Variants in ANKRD44 observed in about 807,000 individuals in gnomAD.
The protein encoded by ANKRD44 is ankyrin repeat domain 44, also known as serine/threonine-protein phosphatase 6 regulatory ankyrin repeat subunit B.
A neutral mutation model predicts 116.0 loss-of-function variants in ANKRD44; 35 were observed. The observed-to-expected ratio is 0.30, with a 90% CI of 0.23 to 0.40. ANKRD44 has a LOEUF of 0.40. ANKRD44 is among the 10% of genes least tolerant of loss of function. The pLI, the probability that ANKRD44 is intolerant of heterozygous loss-of-function variation, is 1.00. For synonymous variants in ANKRD44, 435 were observed against 461.8 expected, an observed-to-expected ratio of 0.94 and a Z score of 0.74; for missense variants, 1,014 against 1,242.6, an observed-to-expected ratio of 0.82 and a Z score of 2.77.
intron 2 of ANKRD44, among the ~76,000 whole-genome samples, chr2:197,160,049 CACACACACAT>C (rs2079920617): frequency 6.6e-6 from 1 of 151,992 alleles, no homozygotes; most frequent in African/African-American, 2.4e-5. Context: ...GATAGACACA[CACACACACAT>C]ACACACATGC....
intron 1 of ANKRD44, among the ~76,000 whole-genome samples, chr2:197,206,154 A>T (rs1258406395): frequency 1.3e-5 from 2 of 152,184 alleles, no homozygotes; most frequent in Non-Finnish European, 2.9e-5. Context: ...TTCAGCTAAG[A>T]GGGGATGACA....
At chr2:197,197,827 A>G (rs1371795824) in intron 1 of ANKRD44, among the ~76,000 whole-genome samples, 18 of 45,156 alleles carry the variant, frequency 4.0e-4, no homozygotes, top group African/African-American at 5.2e-4. Context: ...AAAAAAAAAA[A>G]AAAGAAAGAA....
chr2:197,190,408 T>C (rs1236677272), intron 1 of ANKRD44, among the ~76,000 whole-genome samples: 1 of 152,232 alleles, frequency 6.6e-6, no homozygotes, highest in East Asian at 1.9e-4. Flanking sequence ...ACTTCACAGA[T>C]AACGTGCTTT....
chr2:197,081,454 C>T (rs896634589), intron 15 of ANKRD44, among the ~76,000 whole-genome samples, 191 bp downstream of exon 15: 2 of 152,088 alleles, frequency 1.3e-5, no homozygotes, highest in African/African-American at 4.8e-5. Context: ...TAGAAAGTTC[C>T]CTGTGTGAAA....
chr2:197,298,111 A>C (rs1487844183), intron 1 of ANKRD44, among the ~76,000 whole-genome samples: 1 of 152,240 alleles, frequency 6.6e-6, no homozygotes, highest in African/African-American at 2.4e-5. Flanking sequence ...AGGCAACAAC[A>C]AACACCTACT....
Position 197,025,233 on chromosome 2 carries a change from G to T in ANKRD44, c.1685C>A (p.Ser562Ter), listed in dbSNP as rs2076568852. 6.2e-7 allele frequency: 1 copy of T among 1,612,492 alleles called. No individual in the cohort carries two copies. Among genetic ancestry groups the T allele is most frequent in the Non-Finnish European group, 8.5e-7 (1 of 1,178,788 alleles). ...LERTNSGFEESDSGATKSPLH... is the reference protein window; with the variant it reads ...LERTNSGFEE Reference sequence around the variant, plus strand: ...TGGACTCTTAGTAGCACCAGAATCTGATTCTTCAAATCCACTGTTTGTTCT... The same window carrying T: ...TGGACTCTTAGTAGCACCAGAATCTTATTCTTCAAATCCACTGTTTGTTCT... The change falls in exon 17 of 28, where the codon TCA becomes TAA. Residue 562 changes from serine (S) to a stop codon, truncating the protein, a stop_gained. Transcript: ENST00000282272. LOFTEE classifies it high-confidence loss of function.
Position 197,213,971 on chromosome 2 carries a change from C to T in ANKRD44, c.28-26865G>A, listed in dbSNP as rs2081382911. On this transcript the variant is annotated intron_variant, in intron 1 of 27. Coordinates refer to ENST00000282272, the MANE Select transcript of ANKRD44 (RefSeq NM_001195144.2). ...GTTTTCTAAAGCATAGTCTAGGTTT[C>T]TCTAATGCTATGTGAATTTTAGAAT... Among the ~76,000 whole-genome samples the T allele has an allele frequency of 2.6e-5, 4 of 152,150 alleles. No individual in the cohort carries two copies. In the South Asian group the frequency reaches 8.3e-4, roughly 32 times the overall value.
intron 4 of ANKRD44, 167 bp downstream of exon 4, chr2:197,136,425 T>C (rs779415356): frequency 3.1e-6 from 2 of 646,848 alleles, no homozygotes; most frequent in South Asian, 1.8e-5. Context: ...CTCAGCACTA[T>C]GTCTGGCACA....
At chr2:197,235,041 G>A (rs1409846697) in intron 1 of ANKRD44, among the ~76,000 whole-genome samples, 3 of 152,250 alleles carry the variant, frequency 2.0e-5, no homozygotes, top group South Asian at 2.1e-4. Flanking sequence ...CAGAGAGAAC[G>A]GGCCTTTACC....
intron 16 of ANKRD44, among the ~76,000 whole-genome samples, chr2:197,058,798 T>A (rs2077253822): frequency 6.6e-6 from 1 of 152,354 alleles, no homozygotes; most frequent in East Asian, 1.9e-4. Flanking sequence ...AGTCCTGCAC[T>A]GCAAAATACT....
chr2:197,011,356 T>G (rs1414440661), intron 18 of ANKRD44, among the ~76,000 whole-genome samples: 1 of 152,198 alleles, frequency 6.6e-6, no homozygotes, highest in African/African-American at 2.4e-5. Context: ...ATTATCTAAC[T>G]TCATATAACT....
Position 197,248,576 on chromosome 2 carries a change from G to GTATATATATATATATATATATATATATA in ANKRD44, c.28-61471_28-61470insTATATATATATATATATATATATATATA, listed in dbSNP as rs1318550760. Among the ~76,000 whole-genome samples, 136 of 110,440 alleles carry GTATATATATATATATATATATATATATA rather than the reference G, an allele frequency of 1.2e-3. 3 individuals carry two copies. The highest frequency in any genetic ancestry group is 3.7e-3 in the African/African-American group (122 of 32,814). 72.5% of individuals were successfully genotyped at this position (110,440 alleles called of 152,430 possible). ...TATATGTGTGTGTGTGTGTGTGTGT[G>GTATATATATATATATATATATATATATA]TGTATATATATATATAAAGAGAGAG... On this transcript the variant is annotated intron_variant, in intron 1 of 27. Coordinates refer to ENST00000282272, the MANE Select transcript of ANKRD44 (RefSeq NM_001195144.2).
intron 2 of ANKRD44, among the ~76,000 whole-genome samples, chr2:197,150,610 C>G (rs2079620208): frequency 6.6e-6 from 1 of 151,206 alleles, no homozygotes; most frequent in Non-Finnish European, 1.5e-5. Context: ...GTCTAAAAAC[C>G]CTTCTACTAT....
intron 16 of ANKRD44, among the ~76,000 whole-genome samples, chr2:197,067,449 G>C (rs1228536123): frequency 6.6e-6 from 1 of 151,014 alleles, no homozygotes; most frequent in South Asian, 2.1e-4. Flanking sequence ...GAAAATTTTC[G>C]CAACCTACTC....
intron 1 of ANKRD44, among the ~76,000 whole-genome samples, chr2:197,247,244 T>A (rs959677049): frequency 6.6e-6 from 1 of 152,164 alleles, no homozygotes; most frequent in Non-Finnish European, 1.5e-5. Flanking sequence ...CACGAGAACT[T>A]ATTAGGTTAA....
chr2:197,171,760 T>C (rs1038031947), intron 2 of ANKRD44, among the ~76,000 whole-genome samples: 1 of 152,160 alleles, frequency 6.6e-6, no homozygotes, highest in South Asian at 2.1e-4. Context: ...TTGGGTGGGA[T>C]GTTAATAGCG....
At chr2:197,306,253 G>A (rs759341120) in intron 1 of ANKRD44, among the ~76,000 whole-genome samples, 77 of 152,232 alleles carry the variant, frequency 5.1e-4, no homozygotes, top group Non-Finnish European at 9.3e-4. Flanking sequence ...TAGCCTTGTG[G>A]TCAGAGCCCC....
rs1896854 is a variant in ANKRD44, at chr2:197,283,052, G to C, written c.27+27526C>G. On this transcript the variant is annotated intron_variant, in intron 1 of 27. Coordinates refer to ENST00000282272, the MANE Select transcript of ANKRD44 (RefSeq NM_001195144.2). Reference sequence around the variant, plus strand: ...GTCTCTGGAAGAGTTTTTAAGAGAAGAGAACATCATAGGAATGCTTTTATA... The same window carrying C: ...GTCTCTGGAAGAGTTTTTAAGAGAACAGAACATCATAGGAATGCTTTTATA... 7.3e-3 allele frequency among the ~76,000 whole-genome samples: 1,105 copies of C among 152,096 alleles called. 20 individuals carry two copies. The highest frequency in any genetic ancestry group is 0.025 in the African/African-American group (1,042 of 41,466).
intron 1 of ANKRD44, among the ~76,000 whole-genome samples, chr2:197,273,977 AAAAATATATATATATATATATATATAT>A (rs1300830427): frequency 3.9e-5 from 2 of 51,312 alleles, no homozygotes; most frequent in African/African-American, 1.5e-4. Flanking sequence ...AAAAAAAAAA[AAAAATATATATATATATATATATATAT>A]ATATATATAT....
Sources: allele counts gnomAD v4.1 joint callset (sites outside exome capture counted in the v4.1 genomes callset), GRCh38; gene constraint gnomAD v4.1.1; transcripts MANE v1.5; gene names NCBI Gene and HGNC (gene_info 2026-07-23, HGNC 2026-07-21).